ATP8A2: variants seen among roughly 807,000 people sequenced by gnomAD.
The protein encoded by ATP8A2 is ATPase phospholipid transporting 8A2, also known as phospholipid-transporting ATPase IB.
Under a neutral mutation model 165.6 loss-of-function variants are expected in ATP8A2, and 100 were observed. The observed-to-expected ratio is 0.60, with a 90% CI of 0.51 to 0.71. The LOEUF (loss-of-function observed/expected upper bound fraction) is 0.71. Among genes scored for constraint, ATP8A2 ranks in the 30% least tolerant of loss-of-function variants. ATP8A2 has a pLI of 0.00. For synonymous variants in ATP8A2, 543 were observed against 548.8 expected (o/e 0.99, Z 0.15); for missense variants, 1,227 against 1,479.5 (o/e 0.83, Z 2.80).
chr13:25,528,869 T>C (rs117933448), intron 2 of ATP8A2, among the ~76,000 whole-genome samples: 1,862 of 141,364 alleles, frequency 0.013, 60 homozygotes, highest in African/African-American at 0.03. Flanking sequence ...TGTGTATGCA[T>C]ACATATGCAA....
intron 33 of ATP8A2, among the ~76,000 whole-genome samples, chr13:25,959,004 A>G (rs1955596099): frequency 6.6e-6 from 1 of 152,224 alleles, no homozygotes; most frequent in African/African-American, 2.4e-5. Context: ...TTCTTAAATA[A>G]ATACACATAG....
chr13:25,554,937 A>G (rs2038936160), intron 12 of ATP8A2, 54 bp from the exon 13 acceptor site: 1 of 1,089,344 alleles, frequency 9.2e-7, no homozygotes, highest in Non-Finnish European at 1.4e-6. Flanking sequence ...ATCTGAATGA[A>G]GAATTAATGG....
chr13:25,465,735 C>CTTTT, intron 1 of ATP8A2, among the ~76,000 whole-genome samples: 1 of 43,974 alleles, frequency 2.3e-5, no homozygotes, highest in Non-Finnish European at 4.1e-5. Context: ...TTCTTTCTTT[C>CTTTT]TTTCCCTCCC....
At chr13:25,452,520 T>C (rs1468144013) in intron 1 of ATP8A2, among the ~76,000 whole-genome samples, 1 of 152,226 alleles carries the variant, frequency 6.6e-6, no homozygotes, top group Non-Finnish European at 1.5e-5. Context: ...TATTAAAGAT[T>C]GATACCCCGT....
chr13:25,912,067 C>G (rs1325642446), intron 33 of ATP8A2, among the ~76,000 whole-genome samples: 4 of 152,020 alleles, frequency 2.6e-5, no homozygotes, highest in Non-Finnish European at 5.9e-5. Context: ...TTTACACTCC[C>G]AAATTAATTG....
intron 24 of ATP8A2, among the ~76,000 whole-genome samples, chr13:25,646,848 G>A (rs75705399): frequency 5.3e-4 from 81 of 151,938 alleles, no homozygotes; most frequent in African/African-American, 1.8e-3. Flanking sequence ...TGGTTTGATC[G>A]TTTTCTGTAA....
intron 25 of ATP8A2, among the ~76,000 whole-genome samples, chr13:25,705,609 G>A (rs533037550): frequency 7.2e-5 from 11 of 152,296 alleles, no homozygotes; most frequent in African/African-American, 2.6e-4. Flanking sequence ...GAAAAAGGCC[G>A]AGTGGACGCA....
In ATP8A2 at chr13:26,016,636, T is replaced by C. The variant is rs557557586; in HGVS notation, c.3470-3252T>C. ...AAGGACACTCCCTAATTTATTTTTA[T>C]GTCTCCATGAGTTCCCCCCAACCAG... On this transcript the variant is annotated intron_variant, in intron 36 of 36. Coordinates refer to ENST00000381655, the MANE Select transcript of ATP8A2 (RefSeq NM_016529.6). 2.8e-4 allele frequency among the ~76,000 whole-genome samples: 42 copies of C among 152,376 alleles called. 1 individual carries two copies. The South Asian group carries it at 8.5e-3, about 31-fold the overall frequency.
chr13:25,926,690 C>CA (rs1411548972), intron 33 of ATP8A2, among the ~76,000 whole-genome samples: 3 of 152,060 alleles, frequency 2.0e-5, no homozygotes, highest in African/African-American at 4.8e-5. Context: ...TTACCAGTCA[C>CA]AAAAAACTTA....
intron 27 of ATP8A2, among the ~76,000 whole-genome samples, chr13:25,820,968 A>C (rs1480945048): frequency 1.3e-5 from 2 of 151,512 alleles, no homozygotes; most frequent in Non-Finnish European, 2.9e-5. Context: ...TTTCTCTACC[A>C]AGTAAATAGT....
intron 25 of ATP8A2, among the ~76,000 whole-genome samples, chr13:25,746,252 G>A (rs2044029374): frequency 6.6e-6 from 1 of 152,140 alleles, no homozygotes; most frequent in Non-Finnish European, 1.5e-5. Flanking sequence ...GCCCAAAACT[G>A]TCGTGAAAAG....
intron 27 of ATP8A2, among the ~76,000 whole-genome samples, chr13:25,784,992 T>C (rs2044987491): frequency 6.6e-6 from 1 of 151,866 alleles, no homozygotes; most frequent in Admixed American, 6.6e-5. Flanking sequence ...CTCAAACTCC[T>C]AGCCTCATGA....
chr13:25,820,730 G>A (rs1393796413), intron 27 of ATP8A2, among the ~76,000 whole-genome samples: 2 of 152,084 alleles, frequency 1.3e-5, no homozygotes, highest in East Asian at 1.9e-4. Context: ...GAGAGCCATC[G>A]TTTACCTGTC....
intron 11 of ATP8A2, among the ~76,000 whole-genome samples, chr13:25,551,942 TAAAG>T (rs2038835878): frequency 1.3e-5 from 2 of 152,062 alleles, no homozygotes; most frequent in African/African-American, 4.8e-5. Flanking sequence ...TTGTGTCTCT[TAAAG>T]AAGCTAAAGG....
At chr13:25,381,169 T>A (rs1187163146) in intron 1 of ATP8A2, among the ~76,000 whole-genome samples, 1 of 152,236 alleles carries the variant, frequency 6.6e-6, no homozygotes, top group Non-Finnish European at 1.5e-5. Context: ...TTATGATTAA[T>A]CTCACTTTTG....
chr13:25,480,908 C>G (rs951546735), intron 2 of ATP8A2, among the ~76,000 whole-genome samples: 1 of 152,044 alleles, frequency 6.6e-6, no homozygotes, highest in African/African-American at 2.4e-5. Flanking sequence ...AATCCTGGCA[C>G]CTCCGGAGGC....
At chr13:25,971,629 G>A (rs1404231416) in intron 35 of ATP8A2, among the ~76,000 whole-genome samples, 1 of 152,060 alleles carries the variant, frequency 6.6e-6, no homozygotes, top group Non-Finnish European at 1.5e-5. Flanking sequence ...GGAAAGGACG[G>A]TGACTTCAGT....
chr13:25,491,192 G>A (rs1593393515), intron 2 of ATP8A2, among the ~76,000 whole-genome samples: 1 of 151,380 alleles, frequency 6.6e-6, no homozygotes, highest in Non-Finnish European at 1.5e-5. Flanking sequence ...TTTAAGTGAC[G>A]ATTATATTCT....
intron 24 of ATP8A2, among the ~76,000 whole-genome samples, chr13:25,626,220 CA>C (rs2041096181): frequency 6.6e-6 from 1 of 152,124 alleles, no homozygotes; most frequent in African/African-American, 2.4e-5. Flanking sequence ...GTTGCTATAA[CA>C]AAATGCCACA....
Sources: gnomAD v4.1 joint callset for allele counts (sites outside exome capture counted in the v4.1 genomes callset) on GRCh38, gnomAD v4.1.1 for gene constraint, MANE v1.5 for transcripts, NCBI Gene and HGNC (gene_info 2026-07-23, HGNC 2026-07-21) for gene names.